The following STK32C variants were observed in gnomAD, a reference collection of about 807,000 sequenced individuals.
The protein encoded by STK32C is serine/threonine-protein kinase 32C.
A neutral mutation model predicts 56.5 loss-of-function variants in STK32C; 31 were observed. That is an observed-to-expected ratio of 0.55 (90% CI 0.41 to 0.74). STK32C has a LOEUF of 0.74. Ranked by LOEUF, STK32C falls within the 30% of genes least tolerant of loss-of-function variation. The pLI is 0.00. For missense variants in STK32C, 544 were observed against 676.9 expected, an observed-to-expected ratio of 0.80 and a Z score of 2.18; for synonymous variants, 309 against 289.4, an observed-to-expected ratio of 1.07 and a Z score of -0.69.
At position 132,255,285 on chromosome 10, in the gene STK32C, G is replaced by A. The variant is rs1031901658; in HGVS notation, c.263-9330C>T. On this transcript the variant is annotated intron_variant, in intron 1 of 11. Coordinates refer to ENST00000298630, the MANE Select transcript of STK32C (RefSeq NM_173575.4). The surrounding 1 kb of genome is among the most constrained non-coding windows in gnomAD (Gnocchi z 4.6). ...CGGGGCTCCTGACTTAGGAAATACCGGGCCAGGTGGAAGAGTTGGAACCGG... is the reference window on the plus strand; with the variant it reads ...CGGGGCTCCTGACTTAGGAAATACCAGGCCAGGTGGAAGAGTTGGAACCGG... Among the ~76,000 whole-genome samples the A allele has an allele frequency of 2.6e-4, 40 of 152,158 alleles. No homozygotes were observed. Among genetic ancestry groups the A allele is most frequent in the African/African-American group, 7.5e-4 (31 of 41,494 alleles).
chr10:132,245,816 G>T, intron 2 of STK32C, 84 bp downstream of exon 2: 2 of 1,378,606 alleles, frequency 1.5e-6, no homozygotes, highest in Non-Finnish European at 2.0e-6. Flanking sequence ...GATGGGAGTA[G>T]GTGGGCTCAG....
rs189203203 is a variant in STK32C at position 132,288,833 on chromosome 10, T to A, written c.262+18739A>T. On this transcript the variant is annotated intron_variant, in intron 1 of 11. Transcript: ENST00000298630. ...CCTCAATAAATGGAGAGATGTACCA[T>A]GTTCATGGATTGAAAAACTAATTAT... is the stretch of plus-strand genomic sequence containing the variant. Among the ~76,000 whole-genome samples, 456 of 152,316 alleles carry A rather than the reference T, an allele frequency of 3.0e-3. 8 individuals are homozygous for A. The South Asian group carries it at 0.049, about 16-fold the overall frequency.
upstream of STK32C, among the ~76,000 whole-genome samples, chr10:132,312,806 G>A (rs1236312321): frequency 3.3e-5 from 5 of 152,282 alleles, no homozygotes; most frequent in South Asian, 2.1e-4. Flanking sequence ...TTGGGAGGCC[G>A]AGGTGGGCGG....
At chr10:132,228,555 G>A (rs745485958) in intron 2 of STK32C, among the ~76,000 whole-genome samples, 8 of 152,240 alleles carry the variant, frequency 5.3e-5, no homozygotes, top group Non-Finnish European at 1.0e-4. Context: ...GCATCCAGGC[G>A]TGAGTTGGAG....
intron 1 of STK32C, among the ~76,000 whole-genome samples, chr10:132,249,460 C>G (rs1029357515): frequency 3.3e-5 from 5 of 152,144 alleles, no homozygotes; most frequent in African/African-American, 9.7e-5. Flanking sequence ...GAGTGGACAC[C>G]TGTGGGCCTG....
chr10:132,330,603 GT>G (rs949881209), intron 1 of STK32C: 9 of 692,568 alleles, frequency 1.3e-5, no homozygotes, highest in Non-Finnish European at 2.4e-5. Context: ...AAAATCCTAG[GT>G]TCAAGCGATC....
chr10:132,212,301 C>CA (rs1327474951), intron 10 of STK32C, among the ~76,000 whole-genome samples: 3 of 152,174 alleles, frequency 2.0e-5, no homozygotes, highest in Admixed American at 6.5e-5. Flanking sequence ...GGTATGATGT[C>CA]AAAAGCAATT....
At chr10:132,236,225 C>T (rs545286474) in intron 2 of STK32C, among the ~76,000 whole-genome samples, 5 of 152,374 alleles carry the variant, frequency 3.3e-5, no homozygotes, top group South Asian at 2.1e-4. Context: ...AGCCTGCGCA[C>T]GGCCTGGTCA....
In STK32C at chr10:132,302,044, C is replaced by T. The variant is rs369989906; in HGVS notation, c.262+5528G>A. ...TGGCCCCACCCCAGGCCGGCTGGGTCAGCCGCATTTTCACAAGTCCTGGGT... is the reference window on the plus strand; with the variant it reads ...TGGCCCCACCCCAGGCCGGCTGGGTTAGCCGCATTTTCACAAGTCCTGGGT... On this transcript the variant is annotated intron_variant, in intron 1 of 11. Transcript: ENST00000298630. Among the ~76,000 whole-genome samples, 313 of 152,350 alleles carry T rather than the reference C, an allele frequency of 2.1e-3. 4 individuals are homozygous for T. In the South Asian group the frequency reaches 0.027, roughly 13 times the overall value.
At chr10:132,223,104 T>G in intron 8 of STK32C, 118 bp from the exon 9 acceptor site, 1 of 1,309,236 alleles carries the variant, frequency 7.6e-7, no homozygotes, top group Non-Finnish European at 1.0e-6. Flanking sequence ...GGTTCAGAAT[T>G]CAGGAACCTC....
intron 1 of STK32C, among the ~76,000 whole-genome samples, chr10:132,285,149 C>T (rs565409247): frequency 1.1e-3 from 166 of 145,744 alleles, no homozygotes; most frequent in Non-Finnish European, 2.0e-3. Context: ...CACATTCCCA[C>T]GTCTGCCCAA....
In STK32C at chr10:132,207,865, G is replaced by T; in HGVS notation, c.*145C>A. 1.0e-6 allele frequency: 1 copy of T among 972,900 alleles called. No individual in the cohort carries two copies. The highest frequency in any genetic ancestry group is 1.3e-6 in the Non-Finnish European group (1 of 749,784). 60.3% of individuals were successfully genotyped at this position (972,900 alleles called of 1,614,324 possible). ...TTGTCCCCTGCACCACCACGAGCCT[G>T]AGGTGTGAAATGTGTCCGGGGCACT... On this transcript the variant is annotated 3_prime_UTR_variant, in exon 12 of 12. Transcript: ENST00000298630.
At chr10:132,264,612 A>T (rs1334497750) in intron 1 of STK32C, among the ~76,000 whole-genome samples, 1 of 152,196 alleles carries the variant, frequency 6.6e-6, no homozygotes, top group Admixed American at 6.5e-5. Context: ...CTGAGGGGCC[A>T]GATGCCATCC....
downstream of STK32C, among the ~76,000 whole-genome samples, chr10:132,321,714 C>G (rs559169359): frequency 9.2e-5 from 14 of 152,268 alleles, no homozygotes; most frequent in East Asian, 2.5e-3. Context: ...ACCTGTAATC[C>G]CAGCTACTGC....
At position 132,224,510 on chromosome 10, in the gene STK32C, A is replaced by ATG; in HGVS notation, c.888_889dup (p.Ile297ThrfsTer18). 1 of 1,592,052 alleles carries ATG rather than the reference A, an allele frequency of 6.3e-7. No homozygotes were observed. Among genetic ancestry groups the ATG allele is most frequent in the Non-Finnish European group, 8.5e-7 (1 of 1,170,052 alleles). Reference sequence around the variant, plus strand: ...GGACTCCACGGCGTTGCTGGAGTGGATGTCATAGGGCCTCTGGAGACAGGG... The same window carrying ATG: ...GGACTCCACGGCGTTGCTGGAGTGGATGTGTCATAGGGCCTCTGGAGACAGGG... On this transcript the variant is annotated frameshift_variant, in exon 8 of 12. Coordinates refer to ENST00000298630, the MANE Select transcript of STK32C (RefSeq NM_173575.4). LOFTEE classifies it high-confidence loss of function.
chr10:132,294,361 C>G (rs909443816), intron 1 of STK32C, among the ~76,000 whole-genome samples: 2 of 152,164 alleles, frequency 1.3e-5, no homozygotes, highest in African/African-American at 4.8e-5. Context: ...GGGCCCGCCC[C>G]AAGGCATCTT....
Position 132,207,866 on chromosome 10 carries a change from A to T in STK32C, c.*144T>A. 2.1e-6 allele frequency: 2 copies of T among 965,872 alleles called. No individual in the cohort carries two copies. The highest frequency in any genetic ancestry group is 2.7e-6 in the Non-Finnish European group (2 of 743,404). The allele number at this position is 965,872 out of a possible 1,614,324, so 59.8% of individuals were successfully genotyped here. A position where few individuals can be genotyped will look rare whatever the true frequency, so the allele number is the denominator to read the frequency against. On this transcript the variant is annotated 3_prime_UTR_variant, in exon 12 of 12. Coordinates refer to ENST00000298630, the MANE Select transcript of STK32C (RefSeq NM_173575.4). ...TGTCCCCTGCACCACCACGAGCCTG[A>T]GGTGTGAAATGTGTCCGGGGCACTG... is the stretch of plus-strand genomic sequence containing the variant.
chr10:132,332,200 G>C (rs1298910424), upstream of STK32C: 1 of 156,536 alleles, frequency 6.4e-6, no homozygotes, highest in African/African-American at 2.4e-5. Context: ...TCCATTGTCG[G>C]GCTGCTGCTC....
At chr10:132,294,565 G>A (rs1286865558) in intron 1 of STK32C, among the ~76,000 whole-genome samples, 5 of 152,142 alleles carry the variant, frequency 3.3e-5, no homozygotes, top group African/African-American at 4.8e-5. Context: ...CACACCAAAC[G>A]CCATCTGATG....
Sources: gnomAD v4.1 joint callset for allele counts (sites outside exome capture counted in the v4.1 genomes callset) on GRCh38, gnomAD v4.1.1 for gene constraint, Gnocchi (gnomAD v3.1) non-coding constraint, MANE v1.5 for transcripts, NCBI Gene and HGNC (gene_info 2026-07-23, HGNC 2026-07-21) for gene names.